Variants in SRGAP1 observed in about 807,000 individuals in gnomAD.
SRGAP1 encodes the protein SLIT-ROBO Rho GTPase-activating protein 1.
Under a neutral mutation model 121.9 loss-of-function variants are expected in SRGAP1, and 43 were observed. The ratio of observed to expected loss-of-function variants is 0.35; its 90% CI spans 0.28 to 0.46. The LOEUF (loss-of-function observed/expected upper bound fraction) is 0.46. Ranked by LOEUF, SRGAP1 falls within the 20% of genes least tolerant of loss-of-function variation. SRGAP1 has a pLI of 1.00. For synonymous variants in SRGAP1, 447 were observed against 485.4 expected, an observed-to-expected ratio of 0.92 and a Z score of 1.04; for missense variants, 1,102 against 1,350.9, an observed-to-expected ratio of 0.82 and a Z score of 2.89.
At chr12:64,014,060 G>A (rs975569831) in intron 3 of SRGAP1, among the ~76,000 whole-genome samples, 2 of 152,196 alleles carry the variant, frequency 1.3e-5, no homozygotes, top group African/African-American at 4.8e-5. Flanking sequence ...TGTATTCACT[G>A]TGTGTTAGGA....
chr12:63,977,401 A>G (rs2033122551), intron 1 of SRGAP1, among the ~76,000 whole-genome samples: 1 of 152,184 alleles, frequency 6.6e-6, no homozygotes, highest in Admixed American at 6.6e-5. Flanking sequence ...TTATTATATT[A>G]TTTGCTAGAT....
At chr12:63,973,079 CGGAG>C (rs2033002399) in intron 1 of SRGAP1, among the ~76,000 whole-genome samples, 1 of 152,054 alleles carries the variant, frequency 6.6e-6, no homozygotes, top group Non-Finnish European at 1.5e-5. Context: ...ACCCGGGAGG[CGGAG>C]GTTACAGTGA....
intron 8 of SRGAP1, among the ~76,000 whole-genome samples, chr12:64,075,456 G>C (rs111866923): frequency 2.0e-5 from 3 of 152,110 alleles, no homozygotes; most frequent in Admixed American, 6.5e-5. Flanking sequence ...AGTGCTGCAG[G>C]GATTTTGTTT....
At chr12:63,851,607 A>G (rs1260847903) in intron 1 of SRGAP1, among the ~76,000 whole-genome samples, 6 of 126,638 alleles carry the variant, frequency 4.7e-5, no homozygotes, top group African/African-American at 1.8e-4. Flanking sequence ...TTTTTTTTTT[A>G]GACCGAGTCT....
In SRGAP1 at chr12:64,132,158, A is replaced by G. The variant is rs543256358; in HGVS notation, c.2880+3958A>G. 3.3e-5 allele frequency among the ~76,000 whole-genome samples: 5 copies of G among 152,352 alleles called. No homozygotes were observed. In the South Asian group the frequency reaches 8.3e-4, roughly 25 times the overall value. On this transcript the variant is annotated intron_variant, in intron 21 of 21. Coordinates refer to ENST00000355086, the MANE Select transcript of SRGAP1 (RefSeq NM_020762.4). Reference sequence around the variant, plus strand: ...CACTGCACTCCAGCCTGGGTGACAGACAGAGACTCCATCTCAAAAAGAAAA... The same window carrying G: ...CACTGCACTCCAGCCTGGGTGACAGGCAGAGACTCCATCTCAAAAAGAAAA...
intron 7 of SRGAP1, among the ~76,000 whole-genome samples, chr12:64,063,884 GT>G (rs892304998): frequency 5.3e-5 from 8 of 150,628 alleles, no homozygotes; most frequent in African/African-American, 1.7e-4. Context: ...TTAATGCTAT[GT>G]TTTTTTCTGA....
At chr12:63,900,915 T>G (rs2029896620) in intron 1 of SRGAP1, among the ~76,000 whole-genome samples, 1 of 151,620 alleles carries the variant, frequency 6.6e-6, no homozygotes, top group Admixed American at 6.6e-5. Context: ...ATAACAGGAG[T>G]GAGCAGTAGA....
chr12:63,997,327 A>G (rs2033741501), intron 3 of SRGAP1, among the ~76,000 whole-genome samples: 1 of 152,096 alleles, frequency 6.6e-6, no homozygotes, highest in South Asian at 2.1e-4. Context: ...ATAGTAGTCT[A>G]TACCATCTGG....
chr12:64,043,818 G>A (rs1017537330), intron 6 of SRGAP1, among the ~76,000 whole-genome samples: 1 of 152,182 alleles, frequency 6.6e-6, no homozygotes, highest in African/African-American at 2.4e-5. Context: ...GAAGCTGTGA[G>A]AAGCCTGGTA....
At chr12:63,962,326 A>T (rs952948211) in intron 1 of SRGAP1, among the ~76,000 whole-genome samples, 9 of 152,212 alleles carry the variant, frequency 5.9e-5, no homozygotes, top group Non-Finnish European at 1.2e-4. Flanking sequence ...GGAGACTTTT[A>T]TGCTAAAACA....
intron 3 of SRGAP1, among the ~76,000 whole-genome samples, chr12:63,996,761 G>C (rs868186211): frequency 6.6e-6 from 1 of 152,056 alleles, no homozygotes; most frequent in African/African-American, 2.4e-5. Context: ...CTTAATTATT[G>C]ATAGGGCCTG....
intron 18 of SRGAP1, among the ~76,000 whole-genome samples, chr12:64,125,381 GA>G (rs1413597292): frequency 6.6e-6 from 1 of 152,016 alleles, no homozygotes; most frequent in South Asian, 2.1e-4. Flanking sequence ...TGATACTAGA[GA>G]AAAAAATCGG....
At chr12:64,049,316 A>G (rs1308626084) in intron 6 of SRGAP1, among the ~76,000 whole-genome samples, 1 of 152,188 alleles carries the variant, frequency 6.6e-6, no homozygotes, top group Non-Finnish European at 1.5e-5. Flanking sequence ...GAACTGCCCA[A>G]GACTGGGAAA....
At position 63,868,056 on chromosome 12, in the gene SRGAP1, A is replaced by T. The variant is rs11175191; in HGVS notation, c.67+23173A>T. Among the ~76,000 whole-genome samples the T allele has an allele frequency of 3.0e-3, 174 of 57,852 alleles. 1 individual carries two copies. Among genetic ancestry groups the T allele is most frequent in the East Asian group, 0.021 (23 of 1,088 alleles). The allele number at this position is 57,852 out of a possible 152,430, so 38.0% of individuals were successfully genotyped here. A position where few individuals can be genotyped will look rare whatever the true frequency, so the allele number is the denominator to read the frequency against. On this transcript the variant is annotated intron_variant, in intron 1 of 21. Coordinates refer to ENST00000355086, the MANE Select transcript of SRGAP1 (RefSeq NM_020762.4). ...TTTCCATATATATATATATATATAT[A>T]TTTTTTTTTTTTTTTTTTTTTTGTT...
rs1232250205 is a variant in SRGAP1 at position 63,967,709 on chromosome 12, T to C, written c.68-16238T>C. On this transcript the variant is annotated intron_variant, in intron 1 of 21. Coordinates refer to ENST00000355086, the MANE Select transcript of SRGAP1 (RefSeq NM_020762.4). Reference sequence around the variant, plus strand: ...TTAAGTGTGAGATTCTGTAATTCTGTTTCTCTAGCATATGCCCAAAGGGAA... The same window carrying C: ...TTAAGTGTGAGATTCTGTAATTCTGCTTCTCTAGCATATGCCCAAAGGGAA... Among the ~76,000 whole-genome samples, 8 of 152,214 alleles carry C rather than the reference T, an allele frequency of 5.3e-5. No individual in the cohort carries two copies. The East Asian group carries it at 1.3e-3, about 26-fold the overall frequency.
At chr12:63,948,166 G>A (rs1324710772) in intron 1 of SRGAP1, among the ~76,000 whole-genome samples, 2 of 152,050 alleles carry the variant, frequency 1.3e-5, no homozygotes, top group East Asian at 3.9e-4. Context: ...TCTTTATAAT[G>A]TTAAAGCAAC....
chr12:63,982,341 A>G (rs2136406323), intron 1 of SRGAP1, among the ~76,000 whole-genome samples: 1 of 152,340 alleles, frequency 6.6e-6, no homozygotes, highest in South Asian at 2.1e-4. Flanking sequence ...TAAAATCCTT[A>G]GATAAAGTAT....
intron 6 of SRGAP1, among the ~76,000 whole-genome samples, chr12:64,049,590 T>C (rs1191704191): frequency 2.0e-5 from 3 of 152,162 alleles, no homozygotes; most frequent in African/African-American, 7.2e-5. Context: ...ATGTGGGGAT[T>C]ATGGGAACTA....
At position 64,147,383 on chromosome 12, in the gene SRGAP1, T is replaced by C; in HGVS notation, c.*4711T>C. 9.4e-6 allele frequency: 1 copy of C among 106,000 alleles called. No homozygotes were observed. The highest frequency in any genetic ancestry group is 1.8e-5 in the Non-Finnish European group (1 of 54,978). 6.6% of individuals were successfully genotyped at this position (106,000 alleles called of 1,614,324 possible). A position where few individuals can be genotyped will look rare whatever the true frequency, so the allele number is the denominator to read the frequency against. On this transcript the variant is annotated 3_prime_UTR_variant, in exon 22 of 22. Coordinates refer to ENST00000355086, the MANE Select transcript of SRGAP1 (RefSeq NM_020762.4). ...ACCCCCACCTCCTCCTCCCAATTCC[T>C]GCTGCCCACTCGAGTGTTTCGAAGC...
Sources: gnomAD v4.1 joint callset for allele counts (sites outside exome capture counted in the v4.1 genomes callset) on GRCh38, gnomAD v4.1.1 for gene constraint, MANE v1.5 for transcripts, NCBI Gene and HGNC (gene_info 2026-07-23, HGNC 2026-07-21) for gene names.